Variants in NHSL2 observed in about 807,000 individuals in gnomAD.
NHSL2 encodes NHS like 2, also known as NHS-like protein 2.
Under a neutral mutation model 53.4 loss-of-function variants are expected in NHSL2, and 27 were observed. The ratio of observed to expected loss-of-function variants is 0.51; its 90% CI spans 0.37 to 0.70. The LOEUF (loss-of-function observed/expected upper bound fraction) is 0.70, where lower values mean the gene tolerates loss of function less well. NHSL2 is among the 30% of genes least tolerant of loss of function. The probability of loss-of-function intolerance (pLI) is 0.00; values close to 1 mark genes in which losing one functional copy is unlikely to be tolerated. For synonymous variants in NHSL2, 408 were observed against 404.1 expected (o/e 1.01, Z -0.12); for missense variants, 892 against 980.1 (o/e 0.91, Z 1.20).
chrX:72,040,498 T>C (rs185218822), intron 1 of NHSL2, among the ~76,000 whole-genome samples: 69 of 112,385 alleles, frequency 6.1e-4, no homozygotes, highest in Non-Finnish European at 1.1e-3. Context: ...TTACTTGCCC[T>C]GGATCCCAGA....
At chrX:72,064,468 T>C (rs758252392) in intron 1 of NHSL2, among the ~76,000 whole-genome samples, 2 of 111,915 alleles carry the variant, frequency 1.8e-5, no homozygotes, top group East Asian at 5.6e-4. Context: ...CATCTTCAGC[T>C]TAGGTCCTAA....
At chrX:71,913,584 C>G (rs921089916) in intron 1 of NHSL2, among the ~76,000 whole-genome samples, 1 of 112,563 alleles carries the variant, frequency 8.9e-6, no homozygotes, top group African/African-American at 3.2e-5. Flanking sequence ...TTTTACCCTG[C>G]ATATCCTCCA....
At chrX:71,972,392 C>G (rs1423488710) in intron 1 of NHSL2, among the ~76,000 whole-genome samples, 1 of 112,373 alleles carries the variant, frequency 8.9e-6, no homozygotes. Flanking sequence ...GACAGTTTGT[C>G]TGTTTGTTTG....
At chrX:72,087,363 A>G (rs977497162) in intron 1 of NHSL2, among the ~76,000 whole-genome samples, 3 of 112,117 alleles carry the variant, frequency 2.7e-5, no homozygotes, top group Non-Finnish European at 5.6e-5. Flanking sequence ...GAGAGGGAGA[A>G]ATAGGAAATT....
chrX:71,978,725 G>T (rs2041960006), intron 1 of NHSL2, among the ~76,000 whole-genome samples: 1 of 86,629 alleles, frequency 1.2e-5, no homozygotes, highest in African/African-American at 4.3e-5. Flanking sequence ...TATATCTGTT[G>T]CCTCTCATTT....
chrX:72,014,214 T>G (rs182342858), intron 1 of NHSL2, among the ~76,000 whole-genome samples: 2 of 112,246 alleles, frequency 1.8e-5, no homozygotes, highest in African/African-American at 6.5e-5. Flanking sequence ...TTTGTCAATC[T>G]TACTGATCTT....
intron 1 of NHSL2, among the ~76,000 whole-genome samples, chrX:71,988,914 C>T (rs931596207): frequency 3.6e-5 from 4 of 112,179 alleles, no homozygotes; most frequent in African/African-American, 1.3e-4. Flanking sequence ...TATCTGTTGA[C>T]TTCCTGCCAA....
intron 1 of NHSL2, chrX:72,069,519 G>A: frequency 6.2e-6 from 2 of 320,047 alleles, no homozygotes; most frequent in Non-Finnish European, 1.0e-5. Flanking sequence ...AGGGGCACAA[G>A]TGGGATTTGG....
chrX:72,018,794 G>A (rs2042147212), intron 1 of NHSL2, among the ~76,000 whole-genome samples: 1 of 112,911 alleles, frequency 8.9e-6, no homozygotes, highest in Non-Finnish European at 1.9e-5. Flanking sequence ...GGGGCCACCG[G>A]CCCGCGCTGC....
At chrX:72,045,450 G>A (rs1376010214) in intron 1 of NHSL2, among the ~76,000 whole-genome samples, 1 of 108,659 alleles carries the variant, frequency 9.2e-6, no homozygotes, top group Non-Finnish European at 1.9e-5. Context: ...ACACACAGTG[G>A]CCAGTCAGGA....
rs1602265725 is a variant in NHSL2 at position 71,932,951 on chromosome X, A to G, written c.280+21584A>G. ...ACAACCCTTGTGCTTTTTCTTTTCC[A>G]TGACACCAGAGCTGACTCCCTAGAA... On this transcript the variant is annotated intron_variant, in intron 1 of 7. Transcript: ENST00000633930. 3.6e-5 allele frequency among the ~76,000 whole-genome samples: 4 copies of G among 112,338 alleles called. No homozygotes were observed. In the South Asian group the frequency reaches 1.1e-3, roughly 31 times the overall value.
intron 1 of NHSL2, among the ~76,000 whole-genome samples, chrX:72,069,252 G>A (rs115140456): frequency 0.074 from 8,222 of 111,242 alleles, 286 homozygotes; most frequent in African/African-American, 0.12. Flanking sequence ...GAGGGCGGGC[G>A]AGTCGGGTCC....
intron 1 of NHSL2, among the ~76,000 whole-genome samples, chrX:72,086,683 C>CAAA (rs34481140): frequency 2.1e-3 from 48 of 22,470 alleles, no homozygotes; most frequent in South Asian, 4.0e-3. Flanking sequence ...AACTCCATCT[C>CAAA]AAAAAAAAAA....
chrX:72,074,832 A>G (rs1269802250), intron 1 of NHSL2, among the ~76,000 whole-genome samples: 1 of 112,657 alleles, frequency 8.9e-6, no homozygotes, highest in African/African-American at 3.2e-5. Context: ...ATGTCTGCAC[A>G]TGGCCAATAA....
At chrX:71,926,982 C>T (rs749050455) in intron 1 of NHSL2, among the ~76,000 whole-genome samples, 7 of 111,312 alleles carry the variant, frequency 6.3e-5, no homozygotes, top group South Asian at 3.9e-4. Context: ...TATTGCAGCT[C>T]GGTCTATAAT....
At chrX:72,116,638 G>A (rs1294969033) in intron 1 of NHSL2, among the ~76,000 whole-genome samples, 1 of 111,874 alleles carries the variant, frequency 8.9e-6, no homozygotes, top group African/African-American at 3.3e-5. Flanking sequence ...AGGGGCAGGG[G>A]CGTGGTTCTG....
At chrX:71,918,740 A>G (rs1421636610) in intron 1 of NHSL2, among the ~76,000 whole-genome samples, 1 of 112,005 alleles carries the variant, frequency 8.9e-6, no homozygotes, top group Non-Finnish European at 1.9e-5. Context: ...AAATAATCAG[A>G]TATTGTGGGG....
chrX:72,024,575 G>GT (rs1310874923), intron 1 of NHSL2, among the ~76,000 whole-genome samples: 1 of 112,210 alleles, frequency 8.9e-6, no homozygotes, highest in Non-Finnish European at 1.9e-5. Flanking sequence ...GACGGGCACA[G>GT]AGAGGCTGAG....
intron 1 of NHSL2, among the ~76,000 whole-genome samples, chrX:71,974,900 G>A (rs2041941607): frequency 8.9e-6 from 1 of 111,968 alleles, no homozygotes; most frequent in Non-Finnish European, 1.9e-5. Context: ...CTCCTCAATT[G>A]TATCTCTTCT....
Sources: allele counts gnomAD v4.1 joint callset (sites outside exome capture counted in the v4.1 genomes callset), GRCh38; gene constraint gnomAD v4.1.1; transcripts MANE v1.5; gene names NCBI Gene and HGNC (gene_info 2026-07-23, HGNC 2026-07-21).